Variants in VEPH1 observed in about 807,000 individuals in gnomAD.
VEPH1 encodes ventricular zone expressed PH domain containing 1.
In VEPH1, 80 loss-of-function variants were observed where a neutral mutation model predicts 85.2. That is an observed-to-expected ratio of 0.94 (90% CI 0.78 to 1.13). The LOEUF (loss-of-function observed/expected upper bound fraction) is 1.13. Among genes scored for constraint, VEPH1 ranks in the 50% most tolerant of loss-of-function variants. VEPH1 has a pLI of 0.00. For synonymous variants in VEPH1, 297 were observed against 348.0 expected (o/e 0.85, Z 1.63); for missense variants, 955 against 980.5 (o/e 0.97, Z 0.35).
chr3:157,363,163 A>T, intron 9 of VEPH1: 1 of 468,032 alleles, frequency 2.1e-6, no homozygotes, highest in Non-Finnish European at 3.6e-6. Context: ...GCACCCAAGT[A>T]GATTCAAATG....
chr3:157,380,845 T>C (rs150020295), intron 7 of VEPH1, among the ~76,000 whole-genome samples: 2 of 152,386 alleles, frequency 1.3e-5, no homozygotes, highest in East Asian at 3.9e-4. Flanking sequence ...TATGTTTGAC[T>C]ATTCAGTATG....
At chr3:157,261,731 A>C (rs1378140934) in intron 13 of VEPH1, among the ~76,000 whole-genome samples, 4 of 152,180 alleles carry the variant, frequency 2.6e-5, no homozygotes, top group Non-Finnish European at 5.9e-5. Flanking sequence ...TTTGGGAGGC[A>C]TGAAATTGAA....
chr3:157,280,758 A>AT (rs1377892032), intron 12 of VEPH1, among the ~76,000 whole-genome samples: 1 of 152,228 alleles, frequency 6.6e-6, no homozygotes, highest in Admixed American at 6.5e-5. Context: ...AAAGAGTTAG[A>AT]TTTTTAAAAG....
At position 157,410,144 on chromosome 3, in the gene VEPH1, GA is replaced by G. The variant is rs1731423179; in HGVS notation, c.906+3736del. Among the ~76,000 whole-genome samples the G allele has an allele frequency of 2.0e-5, 3 of 152,120 alleles. 1 individual carries two copies. In the South Asian group the frequency reaches 6.2e-4, roughly 31 times the overall value. On this transcript the variant is annotated intron_variant, in intron 6 of 13. Coordinates refer to ENST00000362010, the MANE Select transcript of VEPH1 (RefSeq NM_001167912.2). ...CAGACAGGACCACTTTGGTGTCAAA[GA>G]GAAAAATTTCAAATGGAGTCAATTT... is the stretch of plus-strand genomic sequence containing the variant.
chr3:157,441,402 T>C (rs1344633317), intron 4 of VEPH1, among the ~76,000 whole-genome samples: 2 of 152,234 alleles, frequency 1.3e-5, no homozygotes, highest in African/African-American at 4.8e-5. Flanking sequence ...ATCTGATACA[T>C]AGTGAATGCC....
chr3:157,327,227 A>T (rs1350034373), intron 9 of VEPH1, among the ~76,000 whole-genome samples: 1 of 152,208 alleles, frequency 6.6e-6, no homozygotes, highest in East Asian at 1.9e-4. Context: ...ACCACAAGGG[A>T]GCAGGAGCCA....
intron 9 of VEPH1, among the ~76,000 whole-genome samples, chr3:157,348,665 A>G (rs2108690695): frequency 6.6e-6 from 1 of 152,366 alleles, no homozygotes; most frequent in Non-Finnish European, 1.5e-5. Context: ...CCATAAAAGG[A>G]AGAGGGGGCT....
chr3:157,381,185 T>C lies in VEPH1; in HGVS notation c.1098A>G (p.Gln366=). The C allele has an allele frequency of 1.2e-6, 2 of 1,613,848 alleles. No homozygotes were observed. The highest frequency in any genetic ancestry group is 1.7e-6 in the Non-Finnish European group (2 of 1,179,994). The change falls in exon 7 of 14, where the codon CAA becomes CAG. Residue 366 remains glutamine, a synonymous_variant. Transcript: ENST00000362010. ...CACTTCCAGCCTTGGTATTTTCCAG[T>C]TGTCGGGTAAGGAGTTTAGCAATGG... ...FTAIAKLLTR[Q]LENTKAGSGR...
At chr3:157,445,327 A>C (rs1734460823) in intron 4 of VEPH1, among the ~76,000 whole-genome samples, 1 of 152,114 alleles carries the variant, frequency 6.6e-6, no homozygotes. Context: ...TTTTATTTTA[A>C]TTTAAAAAAC....
chr3:157,359,123 G>A (rs1321829588), intron 9 of VEPH1, among the ~76,000 whole-genome samples: 1 of 152,204 alleles, frequency 6.6e-6, no homozygotes, highest in Non-Finnish European at 1.5e-5. Context: ...CAGATGGGAT[G>A]TATTTTCACC....
At chr3:157,396,965 CT>C (rs1730443990) in intron 6 of VEPH1, among the ~76,000 whole-genome samples, 1 of 152,078 alleles carries the variant, frequency 6.6e-6, no homozygotes, top group Admixed American at 6.5e-5. Context: ...TCAATTTTTG[CT>C]TTTGTTGCAA....
At chr3:157,450,919 T>A (rs1261315839) in intron 4 of VEPH1, among the ~76,000 whole-genome samples, 1 of 152,184 alleles carries the variant, frequency 6.6e-6, no homozygotes, top group African/African-American at 2.4e-5. Flanking sequence ...TAGTAAGCAC[T>A]CAGCAAATGT....
chr3:157,281,026 A>G (rs1716027305), intron 12 of VEPH1, among the ~76,000 whole-genome samples: 1 of 152,080 alleles, frequency 6.6e-6, no homozygotes, highest in African/African-American at 2.4e-5. Context: ...GATGGAAAGG[A>G]CAGAGAGAGA....
At chr3:157,472,269 A>C (rs1033141503) in intron 2 of VEPH1, among the ~76,000 whole-genome samples, 2 of 152,228 alleles carry the variant, frequency 1.3e-5, no homozygotes, top group Non-Finnish European at 2.9e-5. Context: ...TTATTACTTT[A>C]GAAATTCATC....
At chr3:157,440,982 A>G (rs1236847158) in intron 4 of VEPH1, among the ~76,000 whole-genome samples, 3 of 152,200 alleles carry the variant, frequency 2.0e-5, no homozygotes, top group African/African-American at 4.8e-5. Context: ...TTTTAAACAC[A>G]TTTTTGGTCT....
At chr3:157,493,244 G>C (rs1223911015) in intron 2 of VEPH1, 1 of 456,186 alleles carries the variant, frequency 2.2e-6, no homozygotes, top group Non-Finnish European at 4.4e-6. Flanking sequence ...AATCTTCTGT[G>C]CTGGAAGTTG....
chr3:157,274,937 G>T (rs1715193896), intron 12 of VEPH1, among the ~76,000 whole-genome samples: 1 of 152,176 alleles, frequency 6.6e-6, no homozygotes, highest in South Asian at 2.1e-4. Context: ...AGATTGAGCT[G>T]CTTTGGGAGA....
At chr3:157,289,869 G>A (rs908793100) in intron 11 of VEPH1, among the ~76,000 whole-genome samples, 1 of 152,144 alleles carries the variant, frequency 6.6e-6, no homozygotes, top group Non-Finnish European at 1.5e-5. Context: ...GTTCTAATGG[G>A]ATTGTGGCAG....
intron 6 of VEPH1, among the ~76,000 whole-genome samples, chr3:157,407,576 G>T (rs902158427): frequency 2.6e-5 from 4 of 152,116 alleles, no homozygotes; most frequent in Non-Finnish European, 4.4e-5. Context: ...ACATGTGGTT[G>T]TCTACGGTGC....
Sources: allele counts gnomAD v4.1 joint callset (sites outside exome capture counted in the v4.1 genomes callset), GRCh38; gene constraint gnomAD v4.1.1; transcripts MANE v1.5; gene names NCBI Gene and HGNC (gene_info 2026-07-23, HGNC 2026-07-21).